Variants in SDK1 observed in about 807,000 individuals in gnomAD.
The protein encoded by SDK1 is sidekick cell adhesion molecule 1, also known as protein sidekick-1.
In SDK1, 157 loss-of-function variants were observed where a neutral mutation model predicts 245.5. The observed-to-expected ratio is 0.64, with a 90% CI of 0.56 to 0.73. The LOEUF (loss-of-function observed/expected upper bound fraction) is 0.73, where lower values mean the gene tolerates loss of function less well. SDK1 is among the 30% of genes least tolerant of loss of function. The probability of loss-of-function intolerance (pLI) is 0.00; values close to 1 mark genes in which losing one functional copy is unlikely to be tolerated. For synonymous variants in SDK1, 1,647 were observed against 1,278.5 expected, an observed-to-expected ratio of 1.29 and a Z score of -6.15; for missense variants, 3,583 against 3,002.3, an observed-to-expected ratio of 1.19 and a Z score of -4.52.
At chr7:3,563,405 AAG>A (rs1779811371) in intron 1 of SDK1, among the ~76,000 whole-genome samples, 2 of 152,210 alleles carry the variant, frequency 1.3e-5, no homozygotes, top group Admixed American at 1.3e-4. Flanking sequence ...AAAAGGATGG[AAG>A]AGAGAGTACA....
chr7:3,610,749 A>G lies in SDK1; in HGVS notation c.299-8331A>G, dbSNP rs143593591. 4.6e-3 allele frequency among the ~76,000 whole-genome samples: 707 copies of G among 152,322 alleles called. 4 individuals carry two copies. Among genetic ancestry groups the G allele is most frequent in the Non-Finnish European group, 7.1e-3 (481 of 68,030 alleles). On this transcript the variant is annotated intron_variant, in intron 1 of 44. Transcript: ENST00000404826. ...TTAAATATGGTGTTAATTTGCATTG[A>G]TTTCAGAGAAAACAGAGAATCAGTT...
At chr7:3,978,356 C>T (rs1310956401) in intron 13 of SDK1, among the ~76,000 whole-genome samples, 1 of 152,158 alleles carries the variant, frequency 6.6e-6, no homozygotes, top group African/African-American at 2.4e-5. Flanking sequence ...TTGATTTCCT[C>T]TAAGTAAAAT....
intron 43 of SDK1, among the ~76,000 whole-genome samples, chr7:4,245,023 G>A (rs1786759217): frequency 6.6e-6 from 1 of 152,190 alleles, no homozygotes; most frequent in Non-Finnish European, 1.5e-5. Flanking sequence ...GGGAGTAGCT[G>A]TCCTTCACCC....
rs140084947 is a variant in SDK1 at position 4,233,298 on chromosome 7, C to T, written c.5871C>T (p.Ser1957=). 17 of 1,613,826 alleles carry T rather than the reference C, an allele frequency of 1.1e-5. No homozygotes were observed. Among genetic ancestry groups the T allele is most frequent in the Middle Eastern group, 1.6e-4 (1 of 6,082 alleles). ...TGTTTGTGAAGGACATCCCGCGGAG[C>T]GCCACATCCTACACCCTCAGCCTGG... ...WDMFVKDIPR[S]ATSYTLSLDK... The change falls in exon 41 of 45, where the codon AGC becomes AGT. Residue 1957 remains serine (S), a synonymous_variant. Coordinates refer to ENST00000404826, the MANE Select transcript of SDK1 (RefSeq NM_152744.4).
chr7:3,706,962 C>G (rs937559693), intron 4 of SDK1, among the ~76,000 whole-genome samples: 1 of 152,102 alleles, frequency 6.6e-6, no homozygotes, highest in Admixed American at 6.5e-5. Context: ...CTTGGTTAGT[C>G]TAGCTAATGG....
intron 32 of SDK1, among the ~76,000 whole-genome samples, chr7:4,168,767 G>A (rs1781653764): frequency 1.3e-5 from 2 of 152,200 alleles, no homozygotes; most frequent in South Asian, 2.1e-4. Context: ...ACCTCAGGGC[G>A]AGGTTGCTTG....
chr7:3,395,218 G>A (rs1300644639), intron 1 of SDK1, among the ~76,000 whole-genome samples: 1 of 151,828 alleles, frequency 6.6e-6, no homozygotes, highest in African/African-American at 2.4e-5. Context: ...TGTTTTCTCT[G>A]TACCTGTTGA....
intron 1 of SDK1, among the ~76,000 whole-genome samples, chr7:3,561,769 C>G (rs1486694871): frequency 6.6e-6 from 1 of 152,178 alleles, no homozygotes; most frequent in Non-Finnish European, 1.5e-5. Context: ...TTCCAGAATA[C>G]ACTGTTTCTA....
intron 1 of SDK1, among the ~76,000 whole-genome samples, chr7:3,333,703 C>T (rs993903539): frequency 9.9e-5 from 15 of 152,180 alleles, no homozygotes; most frequent in African/African-American, 2.7e-4. Flanking sequence ...TAAATTAGAA[C>T]AACTTTGACG....
intron 1 of SDK1, among the ~76,000 whole-genome samples, chr7:3,460,569 A>G (rs761633417): frequency 1.3e-5 from 2 of 152,204 alleles, no homozygotes; most frequent in Non-Finnish European, 2.9e-5. Context: ...TTACACCAAA[A>G]TCTCATTCAC....
At chr7:3,337,185 C>T (rs1583701970) in intron 1 of SDK1, among the ~76,000 whole-genome samples, 2 of 151,986 alleles carry the variant, frequency 1.3e-5, no homozygotes, top group African/African-American at 4.8e-5. Context: ...TGAAACAAAA[C>T]ATTAGAAATT....
At chr7:3,398,388 G>C (rs986929033) in intron 1 of SDK1, among the ~76,000 whole-genome samples, 8 of 151,910 alleles carry the variant, frequency 5.3e-5, no homozygotes, top group African/African-American at 1.9e-4. Flanking sequence ...TGAGTCCCTG[G>C]GCTGTGACCT....
At chr7:3,721,609 TC>T (rs1488836987) in intron 4 of SDK1, among the ~76,000 whole-genome samples, 2 of 152,258 alleles carry the variant, frequency 1.3e-5, no homozygotes, top group Non-Finnish European at 2.9e-5. Flanking sequence ...TCTCTTCTGC[TC>T]TAACCAGGCA....
At chr7:3,616,422 T>C (rs190652627) in intron 1 of SDK1, among the ~76,000 whole-genome samples, 5 of 152,322 alleles carry the variant, frequency 3.3e-5, no homozygotes, top group Admixed American at 2.0e-4. Flanking sequence ...TCACTCTCTT[T>C]GCACCTGCAG....
rs183647688 is a variant in SDK1 at position 4,002,237 on chromosome 7, G to T, written c.2132-8729G>T. On this transcript the variant is annotated intron_variant, in intron 14 of 44. Transcript: ENST00000404826. ...TAGCCCTGGCTGTGCCCGTCTCTGA[G>T]TCTGGGCTCCAGCCGGAGGGGTGAG... 7.6e-5 allele frequency among the ~76,000 whole-genome samples: 3 copies of T among 39,694 alleles called. No individual in the cohort carries two copies. The Admixed American group carries it at 1.1e-3, about 15-fold the overall frequency. The allele number at this position is 39,694 out of a possible 152,430, so 26.0% of individuals were successfully genotyped here. A position where few individuals can be genotyped will look rare whatever the true frequency, so the allele number is the denominator to read the frequency against.
chr7:3,915,495 C>G (rs1189568913), intron 5 of SDK1, among the ~76,000 whole-genome samples: 1 of 152,120 alleles, frequency 6.6e-6, no homozygotes, highest in Non-Finnish European at 1.5e-5. Context: ...AGGGGTTTCC[C>G]CTTTCGCTTG....
At chr7:3,552,256 C>G (rs1482634861) in intron 1 of SDK1, among the ~76,000 whole-genome samples, 2 of 152,108 alleles carry the variant, frequency 1.3e-5, no homozygotes, top group Admixed American at 6.5e-5. Flanking sequence ...CAAGGATGGT[C>G]TCGATCGATC....
At chr7:4,059,330 A>T (rs1779390588) in intron 19 of SDK1, among the ~76,000 whole-genome samples, 1 of 152,196 alleles carries the variant, frequency 6.6e-6, no homozygotes. Context: ...TAAGTAAAAA[A>T]CAGTAAAAAG....
At chr7:3,391,712 C>T (rs553876154) in intron 1 of SDK1, among the ~76,000 whole-genome samples, 4 of 148,828 alleles carry the variant, frequency 2.7e-5, no homozygotes, top group South Asian at 2.1e-4. Context: ...TCATGGCTCA[C>T]TGCAACCTCC....
Sources: allele counts gnomAD v4.1 joint callset (sites outside exome capture counted in the v4.1 genomes callset), GRCh38; gene constraint gnomAD v4.1.1; transcripts MANE v1.5; gene names NCBI Gene and HGNC (gene_info 2026-07-23, HGNC 2026-07-21).